Variants in MCOLN3 observed in about 807,000 individuals in gnomAD.
The protein encoded by MCOLN3 is mucolipin TRP cation channel 3, also known as mucolipin-3.
MCOLN3 carries 62 observed loss-of-function variants against 69.4 expected under a neutral mutation model. That is an observed-to-expected ratio of 0.89 (90% CI 0.73 to 1.10). The LOEUF is 1.10. MCOLN3 is among the 50% of genes least tolerant of loss of function. The pLI, the probability that MCOLN3 is intolerant of heterozygous loss-of-function variation, is 0.00. For missense variants in MCOLN3, 564 were observed against 656.4 expected (o/e 0.86, Z 1.54); for synonymous variants, 183 against 217.0 (o/e 0.84, Z 1.38).
At chr1:85,034,918 T>C (rs1371004774) in intron 3 of MCOLN3, among the ~76,000 whole-genome samples, 3 of 152,254 alleles carry the variant, frequency 2.0e-5, no homozygotes, top group Non-Finnish European at 4.4e-5. Context: ...AGTTGGTCAT[T>C]CTGTCACTCT....
At chr1:85,034,338 C>T (rs889151999) in intron 3 of MCOLN3, 87 bp from the exon 4 acceptor site, 1 of 1,392,430 alleles carries the variant, frequency 7.2e-7, no homozygotes, top group South Asian at 1.2e-5. Context: ...ACCTCTGATC[C>T]TGGCAGGTTC....
chr1:85,033,835 G>A (rs1652665491), intron 4 of MCOLN3, among the ~76,000 whole-genome samples: 1 of 152,088 alleles, frequency 6.6e-6, no homozygotes, highest in Non-Finnish European at 1.5e-5. Context: ...TCCATCTTTG[G>A]CAGATCATTT....
At chr1:85,043,236 G>T (rs1653158404) in intron 2 of MCOLN3, among the ~76,000 whole-genome samples, 1 of 152,090 alleles carries the variant, frequency 6.6e-6, no homozygotes, top group African/African-American at 2.4e-5. Context: ...CTTGTTTTAA[G>T]AATTGAGTAT....
chr1:85,019,910 A>G (rs759094380), intron 12 of MCOLN3, among the ~76,000 whole-genome samples: 6 of 152,210 alleles, frequency 3.9e-5, no homozygotes, highest in South Asian at 4.1e-4. Context: ...AGGACATGCC[A>G]TGATTAGAAA....
chr1:85,025,005 C>T (rs369748928), intron 9 of MCOLN3: 1 of 152,210 alleles, frequency 6.6e-6, no homozygotes, highest in East Asian at 1.9e-4. Context: ...TTGAGCCAAG[C>T]CATCAGTCTA....
chr1:85,026,531 C>T (rs910488783), intron 7 of MCOLN3, among the ~76,000 whole-genome samples: 18 of 147,304 alleles, frequency 1.2e-4, no homozygotes, highest in African/African-American at 4.0e-4. Flanking sequence ...CCGAGGCAGG[C>T]GGATCACAAG....
At chr1:85,035,383 T>C (rs965266746) in intron 3 of MCOLN3, among the ~76,000 whole-genome samples, 1 of 152,192 alleles carries the variant, frequency 6.6e-6, no homozygotes, top group East Asian at 1.9e-4. Context: ...CTCTGACCTT[T>C]CCACTGAATA....
chr1:85,025,721 A>G (rs1490148437), intron 9 of MCOLN3: 7 of 507,138 alleles, frequency 1.4e-5, no homozygotes, highest in South Asian at 9.1e-5. Flanking sequence ...CAGGCACCCA[A>G]TGATTCTGAT....
rs945013118 is a variant in MCOLN3, at chr1:85,045,490, G to A, written c.-2-128C>T. The A allele has an allele frequency of 1.7e-5, 11 of 650,164 alleles. No individual in the cohort carries two copies. In the Admixed American group the frequency reaches 3.4e-4, roughly 20 times the overall value. The allele number at this position is 650,164 out of a possible 1,614,324, so 40.3% of individuals were successfully genotyped here. On this transcript the variant is annotated intron_variant, in intron 1 of 12. Coordinates refer to ENST00000370589, the MANE Select transcript of MCOLN3 (RefSeq NM_018298.11). ...GTCCTGGTTTCAAATAAGCACCATT[G>A]CTCTAAACTGCATTTTAGATGTTTA...
At chr1:85,030,303 C>G (rs181564880) in intron 6 of MCOLN3, among the ~76,000 whole-genome samples, 2 of 152,268 alleles carry the variant, frequency 1.3e-5, no homozygotes, top group Non-Finnish European at 2.9e-5. Context: ...GACTTAATGT[C>G]AATCACATCT....
chr1:85,019,195 A>G lies in MCOLN3; in HGVS notation c.1590T>C (p.Asp530=). ...ATCTGTATTTTCCAGAGTTGGGTAG[A>G]TCTTTGCATTCTGATATAAATGTAC... ...ELRTFISECK[D]LPNSGKYRLE... is the part of the protein sequence containing the mutation. Residue 530 remains aspartate (D), a synonymous_variant, in exon 13 of 13, where the codon GAT becomes GAC. Coordinates refer to ENST00000370589, the MANE Select transcript of MCOLN3 (RefSeq NM_018298.11). 2.5e-6 allele frequency: 4 copies of G among 1,613,538 alleles called. No homozygotes were observed. The highest frequency in any genetic ancestry group is 3.4e-6 in the Non-Finnish European group (4 of 1,179,500).
At chr1:85,041,469 C>T (rs1330437066) in intron 2 of MCOLN3, among the ~76,000 whole-genome samples, 1 of 152,152 alleles carries the variant, frequency 6.6e-6, no homozygotes, top group Non-Finnish European at 1.5e-5. Context: ...TTAATAGTCA[C>T]GCAGGATTGA....
intron 1 of MCOLN3, chr1:85,047,612 G>A (rs1653430703): frequency 6.6e-6 from 1 of 152,284 alleles, no homozygotes; most frequent in South Asian, 2.1e-4. Flanking sequence ...GGAGTAAGCT[G>A]TAGAAAATTG....
intron 7 of MCOLN3, among the ~76,000 whole-genome samples, chr1:85,027,822 C>A (rs559233526): frequency 6.6e-6 from 1 of 152,270 alleles, no homozygotes; most frequent in African/African-American, 2.4e-5. Flanking sequence ...GGCCACCATG[C>A]GTGGAGCCAA....
chr1:85,045,070 T>C, intron 2 of MCOLN3, 63 bp downstream of exon 2: 2 of 1,292,070 alleles, frequency 1.5e-6, no homozygotes, highest in Non-Finnish European at 2.2e-6. Flanking sequence ...AAAAAACCAC[T>C]GTCCATAGTT....
At chr1:85,021,374 A>G in intron 11 of MCOLN3, 98 bp from the exon 12 acceptor site, 1 of 938,762 alleles carries the variant, frequency 1.1e-6, no homozygotes, top group Non-Finnish European at 1.6e-6. Flanking sequence ...GGACCAGATA[A>G]CCCAAGCTAC....
At position 85,033,320 on chromosome 1, in the gene MCOLN3, T is replaced by C. The variant is rs577990891; in HGVS notation, c.551-364A>G. On this transcript the variant is annotated intron_variant, in intron 4 of 12. Transcript: ENST00000370589. Reference sequence around the variant, plus strand: ...GCACTTGCAGTAATTACAGTAATATTTTCTAAGCAGTTTGAGGGATCTATT... The same window carrying C: ...GCACTTGCAGTAATTACAGTAATATCTTCTAAGCAGTTTGAGGGATCTATT... Among the ~76,000 whole-genome samples, 6 of 152,302 alleles carry C rather than the reference T, an allele frequency of 3.9e-5. No individual in the cohort carries two copies. The East Asian group carries it at 1.2e-3, about 29-fold the overall frequency.
At position 85,021,349 on chromosome 1, in the gene MCOLN3, G is replaced by A. The variant is rs1651931193; in HGVS notation, c.1321-73C>T. 2.4e-6 allele frequency: 3 copies of A among 1,258,370 alleles called. No individual in the cohort carries two copies. The South Asian group carries it at 4.1e-5, about 17-fold the overall frequency. 78.0% of individuals were successfully genotyped at this position (1,258,370 alleles called of 1,614,324 possible). A position where few individuals can be genotyped will look rare whatever the true frequency, so the allele number is the denominator to read the frequency against. ...ATTGGAGACCTTTGTTCATGACATT[G>A]TATTAAACATAAAGGGACCAGATAA... On this transcript the variant is annotated intron_variant, in intron 11 of 12. Coordinates refer to ENST00000370589, the MANE Select transcript of MCOLN3 (RefSeq NM_018298.11).
Position 85,045,145 on chromosome 1 carries a change from C to T in MCOLN3, c.216G>A (p.Met72Ile). ...KLAIQILKIAMVTIQLVLFGL... is the reference protein window; with the variant it reads ...KLAIQILKIAIVTIQLVLFGL... ...CTGAGATGCTTACCTGGATAGTCAC[C>T]ATTGCAATTTTTAGAATTTGTATGG... The change falls in exon 2 of 13, where the codon ATG becomes ATA. Residue 72 changes from methionine (M) to isoleucine (I), a missense_variant. By Grantham distance (10) the Met-to-Ile change is conservative. Transcript: ENST00000370589. 1 of 1,613,466 alleles carries T rather than the reference C, an allele frequency of 6.2e-7. No individual in the cohort carries two copies. Among genetic ancestry groups the T allele is most frequent in the Non-Finnish European group, 8.5e-7 (1 of 1,179,732 alleles).
Sources: gnomAD v4.1 joint callset for allele counts (sites outside exome capture counted in the v4.1 genomes callset) on GRCh38, gnomAD v4.1.1 for gene constraint, MANE v1.5 for transcripts, NCBI Gene and HGNC (gene_info 2026-07-23, HGNC 2026-07-21) for gene names.